The following CRB1 variants were observed in gnomAD, a reference collection of about 807,000 sequenced individuals.
CRB1 encodes the protein protein crumbs homolog 1.
A neutral mutation model predicts 120.0 loss-of-function variants in CRB1; 83 were observed. The observed-to-expected ratio is 0.69, with a 90% CI of 0.58 to 0.83. The LOEUF is 0.83. Among genes scored for constraint, CRB1 ranks in the 40% least tolerant of loss-of-function variants. The pLI, the probability that CRB1 is intolerant of heterozygous loss-of-function variation, is 0.00. For synonymous variants in CRB1, 625 were observed against 612.5 expected, an observed-to-expected ratio of 1.02 and a Z score of -0.30; for missense variants, 1,699 against 1,687.6, an observed-to-expected ratio of 1.01 and a Z score of -0.12.
At chr1:197,467,993 T>G (rs1666823901) in intron 11 of CRB1, among the ~76,000 whole-genome samples, 2 of 152,176 alleles carry the variant, frequency 1.3e-5, no homozygotes, top group South Asian at 4.1e-4. Context: ...ACATGAGCTG[T>G]CTGCCACTTC....
chr1:197,246,954 A>C, the CRB1 span, among the ~76,000 whole-genome samples: 792 of 152,220 alleles, frequency 5.2e-3, 10 homozygotes, highest in African/African-American at 0.018. Context: ...TACTTCCTCT[A>C]TCAAAACTTA....
At chr1:197,229,428 T>C in the CRB1 span, among the ~76,000 whole-genome samples, 130,920 of 151,736 alleles carry the variant, frequency 0.86, 56,915 homozygotes, top group East Asian at 1. Context: ...TCTTTTCCCT[T>C]CCCCCAATCT....
chr1:197,332,118 C>T (rs925968631), intron 2 of CRB1, among the ~76,000 whole-genome samples: 3 of 151,440 alleles, frequency 2.0e-5, no homozygotes, highest in African/African-American at 4.9e-5. Flanking sequence ...CCAGCCTGAG[C>T]GACAGGGTGA....
intron 6 of CRB1, among the ~76,000 whole-genome samples, chr1:197,422,537 G>A (rs1664388758): frequency 6.9e-6 from 1 of 144,394 alleles, no homozygotes; most frequent in South Asian, 2.2e-4. Flanking sequence ...TATACTAGGT[G>A]TCTTAAGAAA....
At chr1:197,323,543 C>T (rs1397908885) in intron 1 of CRB1, among the ~76,000 whole-genome samples, 1 of 152,040 alleles carries the variant, frequency 6.6e-6, no homozygotes, top group Non-Finnish European at 1.5e-5. Context: ...TTAAAATATA[C>T]ATTGATTATA....
intron 1 of CRB1, among the ~76,000 whole-genome samples, chr1:197,294,680 G>C (rs943236505): frequency 2.6e-5 from 4 of 152,132 alleles, no homozygotes; most frequent in African/African-American, 4.8e-5. Context: ...TGATAGACAG[G>C]ATTAAGAAAA....
chr1:197,334,439 T>C (rs1659032468), intron 2 of CRB1, among the ~76,000 whole-genome samples: 1 of 152,168 alleles, frequency 6.6e-6, no homozygotes, highest in Non-Finnish European at 1.5e-5. Flanking sequence ...ATTTAGGCCA[T>C]GAGGATGGAA....
At chr1:197,224,876 AAACT>A in the CRB1 span, among the ~76,000 whole-genome samples, 1 of 152,110 alleles carries the variant, frequency 6.6e-6, no homozygotes, top group African/African-American at 2.4e-5. Flanking sequence ...AATAAGCATA[AAACT>A]AACATACATT....
chr1:197,393,253 A>G (rs1244802415), intron 5 of CRB1, among the ~76,000 whole-genome samples: 1 of 152,130 alleles, frequency 6.6e-6, no homozygotes, highest in Non-Finnish European at 1.5e-5. Context: ...CTTTCTTTCT[A>G]GAAGTAGTCA....
At chr1:197,231,741 C>T in the CRB1 span, among the ~76,000 whole-genome samples, 1 of 152,096 alleles carries the variant, frequency 6.6e-6, no homozygotes. Context: ...CATGGAAGGC[C>T]TAGAACCATC....
At chr1:197,258,501 C>CT in the CRB1 span, among the ~76,000 whole-genome samples, 1 of 152,146 alleles carries the variant, frequency 6.6e-6, no homozygotes, top group African/African-American at 2.4e-5. Flanking sequence ...ACCAAGGTCA[C>CT]TAAAAATCCC....
intron 5 of CRB1, among the ~76,000 whole-genome samples, chr1:197,358,842 C>T (rs1029626604): frequency 1.2e-4 from 18 of 151,962 alleles, no homozygotes; most frequent in South Asian, 2.1e-4. Flanking sequence ...GCAGAAAAGA[C>T]GAGAAAATCT....
chr1:197,256,318 C>A, the CRB1 span, among the ~76,000 whole-genome samples: 11 of 151,892 alleles, frequency 7.2e-5, no homozygotes, highest in South Asian at 2.1e-3. Flanking sequence ...GGTAGGTGAG[C>A]CACAGGGAGT....
At chr1:197,292,166 G>A (rs756941712) in intron 1 of CRB1, among the ~76,000 whole-genome samples, 6 of 151,864 alleles carry the variant, frequency 4.0e-5, no homozygotes, top group African/African-American at 4.8e-5. Flanking sequence ...TTGATAGACC[G>A]CTAGCAAGAC....
intron 5 of CRB1, among the ~76,000 whole-genome samples, chr1:197,371,125 T>C (rs1661348613): frequency 6.6e-6 from 1 of 152,212 alleles, no homozygotes; most frequent in South Asian, 2.1e-4. Flanking sequence ...AGTCATTGCC[T>C]CACTTACCTT....
At chr1:197,319,907 T>G (rs1239872654) in intron 1 of CRB1, among the ~76,000 whole-genome samples, 1 of 152,212 alleles carries the variant, frequency 6.6e-6, no homozygotes, top group Non-Finnish European at 1.5e-5. Context: ...GGTAAACAGA[T>G]TCTTTAAGGG....
At chr1:197,361,966 T>C (rs1458735924) in intron 5 of CRB1, among the ~76,000 whole-genome samples, 1 of 152,030 alleles carries the variant, frequency 6.6e-6, no homozygotes, top group African/African-American at 2.4e-5. Context: ...TTCTAATATA[T>C]AAGCATTATA....
chr1:197,399,996 A>G (rs1662978444), intron 5 of CRB1, among the ~76,000 whole-genome samples: 1 of 152,314 alleles, frequency 6.6e-6, no homozygotes, highest in Non-Finnish European at 1.5e-5. Flanking sequence ...TGCTAGTTCC[A>G]GTCCAGACTC....
chr1:197,250,454 A>G, the CRB1 span, among the ~76,000 whole-genome samples: 4 of 151,916 alleles, frequency 2.6e-5, no homozygotes, highest in Non-Finnish European at 5.9e-5. Context: ...AAACTTTACG[A>G]TTAGATTCTT....
Sources: gnomAD v4.1 joint callset for allele counts (sites outside exome capture counted in the v4.1 genomes callset) on GRCh38, gnomAD v4.1.1 for gene constraint, MANE v1.5 for transcripts, NCBI Gene and HGNC (gene_info 2026-07-23, HGNC 2026-07-21) for gene names.